Variants in DOCK4 observed in about 807,000 individuals in gnomAD.
DOCK4 encodes dedicator of cytokinesis 4, also known as dedicator of cytokinesis protein 4.
Under a neutral mutation model 268.1 loss-of-function variants are expected in DOCK4, and 97 were observed. The observed-to-expected ratio is 0.36, with a 90% CI of 0.31 to 0.43. The LOEUF is 0.43. DOCK4 is among the 20% of genes least tolerant of loss of function. The probability of loss-of-function intolerance (pLI) is 1.00; values close to 1 mark genes in which losing one functional copy is unlikely to be tolerated. For synonymous variants in DOCK4, 954 were observed against 887.2 expected, an observed-to-expected ratio of 1.08 and a Z score of -1.34; for missense variants, 2,145 against 2,455.7, an observed-to-expected ratio of 0.87 and a Z score of 2.67.
intron 8 of DOCK4, among the ~76,000 whole-genome samples, chr7:111,950,898 TTACAG>T (rs1796002024): frequency 6.6e-6 from 1 of 152,238 alleles, no homozygotes; most frequent in Non-Finnish European, 1.5e-5. Flanking sequence ...CTTCCTCTTC[TTACAG>T]AATGAATAAG....
intron 4 of DOCK4, 25 bp downstream of exon 4, chr7:111,998,423 A>G (rs1228223690): frequency 2.0e-6 from 3 of 1,523,872 alleles, no homozygotes; most frequent in Non-Finnish European, 2.7e-6. Context: ...AAATCCTCCA[A>G]CTACTAATAA....
chr7:111,927,540 A>C (rs1041469854), intron 12 of DOCK4, among the ~76,000 whole-genome samples: 68 of 152,356 alleles, frequency 4.5e-4, no homozygotes, highest in African/African-American at 1.5e-3. Flanking sequence ...TTTTTAACTA[A>C]GGGGAATTTT....
intron 1 of DOCK4, among the ~76,000 whole-genome samples, chr7:112,144,238 ATT>A (rs1384733008): frequency 6.6e-6 from 1 of 152,148 alleles, no homozygotes; most frequent in Non-Finnish European, 1.5e-5. Context: ...CCATCTCAGT[ATT>A]TTATTTTCTT....
chr7:111,804,801 T>A (rs1161888048), intron 30 of DOCK4, among the ~76,000 whole-genome samples: 1 of 152,052 alleles, frequency 6.6e-6, no homozygotes, highest in African/African-American at 2.4e-5. Context: ...GGTTTCGTCA[T>A]GTTTGCCAGG....
intron 17 of DOCK4, among the ~76,000 whole-genome samples, chr7:111,876,248 G>C (rs1806861059): frequency 6.6e-6 from 1 of 152,136 alleles, no homozygotes; most frequent in Non-Finnish European, 1.5e-5. Context: ...TGTTTTAAAA[G>C]TGGTCAAAAT....
At chr7:112,171,687 A>G (rs1477666493) in intron 1 of DOCK4, among the ~76,000 whole-genome samples, 2 of 152,204 alleles carry the variant, frequency 1.3e-5, no homozygotes. Flanking sequence ...TCATATCCAC[A>G]TTGACATTTT....
intron 30 of DOCK4, among the ~76,000 whole-genome samples, chr7:111,799,257 A>G (rs1288832766): frequency 6.6e-6 from 1 of 152,224 alleles, no homozygotes; most frequent in African/African-American, 2.4e-5. Flanking sequence ...TCTTTCACCA[A>G]GCTTTTCACT....
chr7:112,201,991 C>T (rs1054124808), intron 1 of DOCK4, among the ~76,000 whole-genome samples: 1 of 152,096 alleles, frequency 6.6e-6, no homozygotes, highest in African/African-American at 2.4e-5. Flanking sequence ...ACTATAATAC[C>T]CTCCACATTA....
At chr7:111,810,466 A>G (rs528281807) in intron 28 of DOCK4, among the ~76,000 whole-genome samples, 1 of 149,872 alleles carries the variant, frequency 6.7e-6, no homozygotes, top group South Asian at 2.1e-4. Flanking sequence ...CAAAAAAAAG[A>G]AAAAAAAAAG....
intron 26 of DOCK4, among the ~76,000 whole-genome samples, chr7:111,831,647 G>C (rs1031730085): frequency 6.6e-6 from 1 of 151,962 alleles, no homozygotes; most frequent in South Asian, 2.1e-4. Context: ...ACCATACCCA[G>C]CTAGTTTTTA....
At position 111,940,258 on chromosome 7, in the gene DOCK4, G is replaced by T. The variant is rs79512449; in HGVS notation, c.845-16C>A. Reference sequence around the variant, plus strand: ...CCCATTCGACCTGTTCAATTAAAGAGCAATCATTAACCCATGGAGCCATTT... The same window carrying T: ...CCCATTCGACCTGTTCAATTAAAGATCAATCATTAACCCATGGAGCCATTT... On this transcript the variant is annotated splice_polypyrimidine_tract_variant and intron_variant, in intron 10 of 52. Coordinates refer to ENST00000428084, the MANE Select transcript of DOCK4 (RefSeq NM_001363540.2). 6.2e-7 allele frequency: 1 copy of T among 1,613,872 alleles called. No homozygotes were observed. The highest frequency in any genetic ancestry group is 8.5e-7 in the Non-Finnish European group (1 of 1,179,844).
At chr7:111,838,073 C>T (rs932157617) in intron 25 of DOCK4, among the ~76,000 whole-genome samples, 2 of 119,146 alleles carry the variant, frequency 1.7e-5, no homozygotes, top group Non-Finnish European at 3.2e-5. Context: ...GTGACATTAG[C>T]GAAACCCTAC....
intron 1 of DOCK4, among the ~76,000 whole-genome samples, chr7:112,038,422 T>C (rs919096980): frequency 6.6e-6 from 1 of 152,222 alleles, no homozygotes; most frequent in African/African-American, 2.4e-5. Flanking sequence ...TTGGAGACTT[T>C]TGAGTCCTCA....
At chr7:112,026,100 C>T (rs940538123) in intron 1 of DOCK4, among the ~76,000 whole-genome samples, 1 of 152,228 alleles carries the variant, frequency 6.6e-6, no homozygotes, top group African/African-American at 2.4e-5. Flanking sequence ...TTAATAAAGG[C>T]CTCATTACCA....
intron 39 of DOCK4, among the ~76,000 whole-genome samples, chr7:111,760,777 T>A (rs397843633): frequency 7.5e-6 from 1 of 132,728 alleles, no homozygotes; most frequent in Admixed American, 7.8e-5. Context: ...TGTGTGTGTG[T>A]GTGTGTATTC....
chr7:112,132,052 T>A (rs1354251774), intron 1 of DOCK4, among the ~76,000 whole-genome samples: 2 of 152,196 alleles, frequency 1.3e-5, no homozygotes, highest in African/African-American at 2.4e-5. Flanking sequence ...TTTATTAATA[T>A]CTGCATTGAA....
At chr7:111,732,397 C>T in intron 51 of DOCK4, 110 bp from the exon 52 acceptor site, 1 of 1,103,870 alleles carries the variant, frequency 9.1e-7, no homozygotes, top group South Asian at 1.4e-5. Flanking sequence ...TGCATAAGGA[C>T]CTTCTAAGCA....
chr7:111,869,747 G>A, intron 20 of DOCK4, 92 bp from the exon 21 acceptor site: 1 of 1,074,640 alleles, frequency 9.3e-7, no homozygotes. Context: ...ATCATGAGGA[G>A]GTTTCTTTTC....
At chr7:111,823,750 A>G (rs1378498045) in intron 26 of DOCK4, among the ~76,000 whole-genome samples, 1 of 152,220 alleles carries the variant, frequency 6.6e-6, no homozygotes, top group East Asian at 1.9e-4. Flanking sequence ...GATTGAAGAT[A>G]ACGATATGGT....
Sources: allele counts gnomAD v4.1 joint callset (sites outside exome capture counted in the v4.1 genomes callset), GRCh38; gene constraint gnomAD v4.1.1; transcripts MANE v1.5; gene names NCBI Gene and HGNC (gene_info 2026-07-23, HGNC 2026-07-21).